CYP2C8: variants seen among roughly 807,000 people sequenced by gnomAD.
CYP2C8 encodes the protein cytochrome P450 family 2 subfamily C member 8, also known as cytochrome P450 2C8.
CYP2C8 carries 51 observed loss-of-function variants against 41.3 expected under a neutral mutation model. The ratio of observed to expected loss-of-function variants is 1.24; its 90% CI spans 0.99 to 1.56. The LOEUF is 1.56. Among genes scored for constraint, CYP2C8 ranks in the 40% most tolerant of loss-of-function variants. The pLI is 0.00. For synonymous variants in CYP2C8, 218 were observed against 205.8 expected, an observed-to-expected ratio of 1.06 and a Z score of -0.51; for missense variants, 651 against 579.9, an observed-to-expected ratio of 1.12 and a Z score of -1.26.
At chr10:95,063,578 G>T (rs902270867) in intron 4 of CYP2C8, among the ~76,000 whole-genome samples, 2 of 152,132 alleles carry the variant, frequency 1.3e-5, no homozygotes, top group East Asian at 3.8e-4. Flanking sequence ...TTTGCGATGG[G>T]TTTGAGCTTC....
At chr10:95,065,914 G>A (rs1267270302) in intron 3 of CYP2C8, among the ~76,000 whole-genome samples, 1 of 152,134 alleles carries the variant, frequency 6.6e-6, no homozygotes, top group Non-Finnish European at 1.5e-5. Flanking sequence ...TAAATGGAAA[G>A]GGTGCCCAAA....
At chr10:95,058,191 GC>G in intron 5 of CYP2C8, 143 bp downstream of exon 5, 1 of 1,210,342 alleles carries the variant, frequency 8.3e-7, no homozygotes, top group Non-Finnish European at 1.2e-6. Flanking sequence ...TTTAGTGCAG[GC>G]CCATAAATAC....
rs147246471 is a variant in CYP2C8, at chr10:95,047,016, G to A, written c.820-1065C>T. Among the ~76,000 whole-genome samples the A allele has an allele frequency of 8.2e-4, 125 of 152,272 alleles. 1 individual carries two copies. The highest frequency in any genetic ancestry group is 2.9e-3 in the African/African-American group (121 of 41,566). ...TCTCATGAGCATTATTTCCCTTGAT[G>A]TTATCCTGATAATAAGTGAGTTCAC... On this transcript the variant is annotated intron_variant, in intron 5 of 8. Transcript: ENST00000371270.
intron 3 of CYP2C8, among the ~76,000 whole-genome samples, chr10:95,065,490 A>AGC (rs2033542689): frequency 6.6e-6 from 1 of 152,184 alleles, no homozygotes; most frequent in African/African-American, 2.4e-5. Context: ...TGAGAAGAAA[A>AGC]ACTAATATAA....
intron 5 of CYP2C8, among the ~76,000 whole-genome samples, chr10:95,057,971 T>C (rs1428136148): frequency 2.0e-5 from 3 of 152,210 alleles, no homozygotes; most frequent in African/African-American, 7.2e-5. Context: ...CCATTTATGA[T>C]AAGCCATTCT....
At chr10:95,052,342 CA>C (rs1356744974) in intron 5 of CYP2C8, among the ~76,000 whole-genome samples, 14 of 152,086 alleles carry the variant, frequency 9.2e-5, no homozygotes, top group African/African-American at 3.4e-4. Context: ...GCTCAAGACC[CA>C]ATGACTTCAA....
At chr10:95,038,724 C>G (rs565512105) in intron 8 of CYP2C8, among the ~76,000 whole-genome samples, 173 bp downstream of exon 8, 136 of 152,152 alleles carry the variant, frequency 8.9e-4, no homozygotes, top group Non-Finnish European at 1.7e-3. Context: ...GCTATCTGGC[C>G]CAATAATGAT....
At chr10:95,065,660 GA>G (rs2134439612) in intron 3 of CYP2C8, among the ~76,000 whole-genome samples, 1 of 151,676 alleles carries the variant, frequency 6.6e-6, no homozygotes, top group South Asian at 2.1e-4. Context: ...CCTTCCTTTG[GA>G]AATAATGTTT....
chr10:95,064,992 T>G (rs1441158532), intron 3 of CYP2C8, 32 bp from the exon 4 acceptor site: 5 of 1,390,658 alleles, frequency 3.6e-6, no homozygotes, highest in Non-Finnish European at 3.8e-6. Context: ...AAAAAATTAT[T>G]AAAAAATAAA....
intron 5 of CYP2C8, among the ~76,000 whole-genome samples, chr10:95,053,516 C>A (rs1029575470): frequency 1.3e-5 from 2 of 152,120 alleles, no homozygotes; most frequent in South Asian, 2.1e-4. Flanking sequence ...GGAACCAACC[C>A]AAATGCCCAT....
chr10:95,037,130 A>C lies in CYP2C8; in HGVS notation c.1471T>G (p.Ter491GlyextTer29). The C allele has an allele frequency of 1.2e-6, 2 of 1,613,888 alleles. No homozygotes were observed. Among genetic ancestry groups the C allele is most frequent in the Non-Finnish European group, 1.7e-6 (2 of 1,179,796 alleles). The change falls in exon 9 of 9, where the codon TGA becomes GGA. Residue 491 changes from the stop codon to glycine (G), a stop_lost. Coordinates refer to ENST00000371270, the MANE Select transcript of CYP2C8 (RefSeq NM_000770.3). ...GCAGCCAGATGGGCTAGCATTCTTCAGACAGGGATGAAGCAGATCTGGTAT... is the reference window on the plus strand; with the variant it reads ...GCAGCCAGATGGGCTAGCATTCTTCCGACAGGGATGAAGCAGATCTGGTAT... ...PSYQICFIPV[*>G] is the part of the protein sequence containing the mutation.
chr10:95,037,424 G>A (rs2032908171), intron 8 of CYP2C8, 115 bp from the exon 9 acceptor site: 3 of 865,728 alleles, frequency 3.5e-6, no homozygotes, highest in South Asian at 2.9e-5. Context: ...ATTAATGATT[G>A]GGTAGATGAA....
chr10:95,064,909 A>G lies in CYP2C8; in HGVS notation c.533T>C (p.Ile178Thr). 6.2e-7 allele frequency: 1 copy of G among 1,613,408 alleles called. No homozygotes were observed. The highest frequency in any genetic ancestry group is 8.5e-7 in the Non-Finnish European group (1 of 1,179,966). Residue 178 changes from isoleucine to threonine, a missense_variant, in exon 4 of 9, where the codon ATC becomes ACC. Transcript: ENST00000371270. ...TCGTTTCTGGAAAACAACGGAGCAGATCACATTGCAGGGAGCACAGCCCAG... is the reference window on the plus strand; with the variant it reads ...TCGTTTCTGGAAAACAACGGAGCAGGTCACATTGCAGGGAGCACAGCCCAG... ...FILGCAPCNV[I>T]CSVVFQKRFD... is the part of the protein sequence containing the mutation.
Position 95,064,901 on chromosome 10 carries a change from C to T in CYP2C8, c.541G>A (p.Val181Ile), listed in dbSNP as rs41286886. 10,994 of 1,613,260 alleles carry T rather than the reference C, an allele frequency of 6.8e-3. 48 individuals are homozygous for T. Among genetic ancestry groups the T allele is most frequent in the Non-Finnish European group, 8.4e-3 (9,959 of 1,179,922 alleles). Residue 181 changes from valine to isoleucine, a missense_variant, in exon 4 of 9, where the codon GTT becomes ATT. Coordinates refer to ENST00000371270, the MANE Select transcript of CYP2C8 (RefSeq NM_000770.3). ...GCAPCNVICS[V>I]VFQKRFDYKD... ...TAATCAAATCGTTTCTGGAAAACAA[C>T]GGAGCAGATCACATTGCAGGGAGCA... is the stretch of plus-strand genomic sequence containing the variant.
At chr10:95,042,043 TA>T (rs1221204090) in intron 7 of CYP2C8, among the ~76,000 whole-genome samples, 1 of 152,094 alleles carries the variant, frequency 6.6e-6, no homozygotes, top group Non-Finnish European at 1.5e-5. Flanking sequence ...AAAAGTCAAT[TA>T]TTTTAAAAAA....
chr10:95,044,354 A>C (rs1158868801), intron 6 of CYP2C8, among the ~76,000 whole-genome samples: 5 of 151,906 alleles, frequency 3.3e-5, no homozygotes, highest in Non-Finnish European at 7.4e-5. Flanking sequence ...ACCTGATATA[A>C]CTCTCTGAAA....
intron 4 of CYP2C8, 55 bp from the exon 5 acceptor site, chr10:95,058,566 C>T: frequency 2.1e-6 from 3 of 1,417,464 alleles, no homozygotes; most frequent in Non-Finnish European, 2.9e-6. Context: ...ATGTATCTTA[C>T]ACCAAGCCCT....
Position 95,042,914 on chromosome 10 carries a change from C to T in CYP2C8, c.1125G>A (p.Lys375=), listed in dbSNP as rs2033031470. Residue 375 remains lysine, a synonymous_variant, in exon 7 of 9, where the codon AAG becomes AAA. Transcript: ENST00000371270. ...CCTTGGGGATGAGGTAGTTTCTGAACTTAGTATCAGTGGTCACTGCATGGG... is the reference window on the plus strand; with the variant it reads ...CCTTGGGGATGAGGTAGTTTCTGAATTTAGTATCAGTGGTCACTGCATGGG... ...GVPHAVTTDT[K]FRNYLIPKGT... is the part of the protein sequence containing the mutation. 4 of 1,614,032 alleles carry T rather than the reference C, an allele frequency of 2.5e-6. No homozygotes were observed. The highest frequency in any genetic ancestry group is 1.3e-5 in the African/African-American group (1 of 75,020).
At chr10:95,057,149 G>C (rs1380918430) in intron 5 of CYP2C8, among the ~76,000 whole-genome samples, 3 of 152,120 alleles carry the variant, frequency 2.0e-5, no homozygotes, top group Non-Finnish European at 4.4e-5. Context: ...CATGGGAATA[G>C]TAAATTGACA....
Sources: allele counts gnomAD v4.1 joint callset (sites outside exome capture counted in the v4.1 genomes callset), GRCh38; gene constraint gnomAD v4.1.1; transcripts MANE v1.5; gene names NCBI Gene and HGNC (gene_info 2026-07-23, HGNC 2026-07-21).